WARS2: variants seen among roughly 807,000 people sequenced by gnomAD.
WARS2 encodes tryptophan--tRNA ligase, mitochondrial.
In WARS2, 28 loss-of-function variants were observed where a neutral mutation model predicts 36.5. The observed-to-expected ratio is 0.77, with a 90% CI of 0.57 to 1.05. The LOEUF (loss-of-function observed/expected upper bound fraction) is 1.05. Among genes scored for constraint, WARS2 ranks in the 50% least tolerant of loss-of-function variants. WARS2 has a pLI of 0.00. For synonymous variants in WARS2, 174 were observed against 178.4 expected (o/e 0.98, Z 0.20); for missense variants, 435 against 456.8 (o/e 0.95, Z 0.44).
chr1:119,121,800 C>T (rs970467381), intron 1 of WARS2, among the ~76,000 whole-genome samples: 1 of 152,186 alleles, frequency 6.6e-6, no homozygotes, highest in Non-Finnish European at 1.5e-5. Flanking sequence ...GGAAAGGACA[C>T]CCTATTCAAC....
Position 119,032,656 on chromosome 1 carries a change from A to G in WARS2, c.*255T>C. The stretch of plus-strand genomic sequence containing the variant: ...TTCTGCAGGCCAAGGAGTGTGCCTC[A>G]ATAATTGGGGATTCAGACAGCTATG... On this transcript the variant is annotated 3_prime_UTR_variant, in exon 6 of 6. Coordinates refer to ENST00000235521, the MANE Select transcript of WARS2 (RefSeq NM_015836.4). 2.0e-6 allele frequency: 1 copy of G among 489,946 alleles called. No homozygotes were observed. Among genetic ancestry groups the G allele is most frequent in the South Asian group, 2.7e-5 (1 of 36,496 alleles). The allele number at this position is 489,946 out of a possible 1,614,324, so 30.3% of individuals were successfully genotyped here.
At chr1:119,044,737 G>C (rs1300209376) in intron 3 of WARS2, among the ~76,000 whole-genome samples, 1 of 152,098 alleles carries the variant, frequency 6.6e-6, no homozygotes, top group African/African-American at 2.4e-5. Context: ...TCTTTAACAA[G>C]AGCACTAATC....
intron 2 of WARS2, among the ~76,000 whole-genome samples, chr1:119,047,037 C>T (rs1349187186): frequency 1.3e-5 from 2 of 152,056 alleles, no homozygotes; most frequent in Non-Finnish European, 2.9e-5. Flanking sequence ...TTTGCAAGTC[C>T]CTGGGCTGAA....
chr1:119,078,947 GACACAC>G (rs35343555), intron 1 of WARS2, among the ~76,000 whole-genome samples: 1 of 150,364 alleles, frequency 6.7e-6, no homozygotes, highest in African/African-American at 2.4e-5. Context: ...CATATAGCTA[GACACAC>G]ACACACACAC....
intron 1 of WARS2, among the ~76,000 whole-genome samples, chr1:119,103,396 G>T (rs948135161): frequency 6.6e-6 from 1 of 152,090 alleles, no homozygotes; most frequent in Admixed American, 6.5e-5. Context: ...TTGGATTTGG[G>T]TCAAGAGCTT....
In WARS2 at chr1:119,042,296, T is replaced by C. The variant is rs149281638; in HGVS notation, c.483A>G (p.Pro161=). The C allele has an allele frequency of 4.2e-4, 673 of 1,613,922 alleles. 2 individuals carry two copies. In the African/African-American group the frequency reaches 8.1e-3, roughly 19 times the overall value. The change falls in exon 4 of 6, where the codon CCA becomes CCG. Residue 161 remains proline (P), a synonymous_variant. Transcript: ENST00000235521. ...ACAGAATGTCGGCTGCCTGGAGTAC[T>C]GGGTATGTGAGCAGGCCCACCGTGC... ...HDGTVGLLTY[P]VLQAADILLY...
intron 2 of WARS2, among the ~76,000 whole-genome samples, chr1:119,054,375 CAT>C (rs140724400): frequency 2.7e-5 from 4 of 150,170 alleles, no homozygotes; most frequent in East Asian, 3.9e-4. Context: ...GGATGGCTGC[CAT>C]ATATATATAT....
Position 119,032,670 on chromosome 1 carries a change from C to T in WARS2, c.*241G>A. The T allele has an allele frequency of 3.9e-6, 2 of 509,016 alleles. No individual in the cohort carries two copies. The highest frequency in any genetic ancestry group is 6.8e-5 in the East Asian group (2 of 29,542). The allele number at this position is 509,016 out of a possible 1,614,324, so 31.5% of individuals were successfully genotyped here. On this transcript the variant is annotated 3_prime_UTR_variant, in exon 6 of 6. Transcript: ENST00000235521. ...GAGTGTGCCTCAATAATTGGGGATT[C>T]AGACAGCTATGCCTTCTTGATTTAT...
intron 1 of WARS2, among the ~76,000 whole-genome samples, chr1:119,094,237 T>C (rs1055695726): frequency 6.6e-6 from 1 of 152,136 alleles, no homozygotes; most frequent in Non-Finnish European, 1.5e-5. Context: ...CTCAGAAAAA[T>C]GTAAATTTAA....
At chr1:119,095,930 G>C (rs6701378) in intron 1 of WARS2, among the ~76,000 whole-genome samples, 1 of 151,856 alleles carries the variant, frequency 6.6e-6, no homozygotes, top group South Asian at 2.1e-4. Context: ...TGACACAATC[G>C]AGTACTTAGT....
intron 2 of WARS2, among the ~76,000 whole-genome samples, chr1:119,049,816 C>T (rs1158742415): frequency 6.6e-6 from 1 of 152,150 alleles, no homozygotes; most frequent in Non-Finnish European, 1.5e-5. Flanking sequence ...TTCAAAGTCT[C>T]ACCACTTTTC....
At chr1:119,132,406 A>G (rs2101573009) in intron 1 of WARS2, among the ~76,000 whole-genome samples, 1 of 152,306 alleles carries the variant, frequency 6.6e-6, no homozygotes, top group East Asian at 1.9e-4. Flanking sequence ...AGGACTGGCA[A>G]GAGTTCCACA....
In WARS2 at chr1:119,060,482, G is replaced by T. The variant is rs917407909; in HGVS notation, c.349-14820C>A. ...CATTTAACCTTAATTACTTCCTAAAGACCCTATCTCTATATACAGTCATAC... is the reference window on the plus strand; with the variant it reads ...CATTTAACCTTAATTACTTCCTAAATACCCTATCTCTATATACAGTCATAC... On this transcript the variant is annotated intron_variant, in intron 2 of 5. Transcript: ENST00000235521. Among the ~76,000 whole-genome samples, 8 of 152,316 alleles carry T rather than the reference G, an allele frequency of 5.3e-5. No homozygotes were observed. The East Asian group carries it at 1.5e-3, about 29-fold the overall frequency.
chr1:119,060,985 T>C (rs1158752101), intron 2 of WARS2, among the ~76,000 whole-genome samples: 7 of 152,090 alleles, frequency 4.6e-5, no homozygotes, highest in Non-Finnish European at 1.5e-5. Flanking sequence ...TGTCCAACAA[T>C]GGCTAAAACA....
At chr1:119,111,062 C>T (rs970563577) in intron 1 of WARS2, among the ~76,000 whole-genome samples, 14 of 152,168 alleles carry the variant, frequency 9.2e-5, no homozygotes, top group African/African-American at 3.4e-4. Flanking sequence ...CCATTAAAGC[C>T]CTTAACATAT....
intron 1 of WARS2, among the ~76,000 whole-genome samples, chr1:119,078,818 A>C (rs995626382): frequency 3.3e-5 from 5 of 152,104 alleles, no homozygotes; most frequent in African/African-American, 9.7e-5. Context: ...TAATTTTATG[A>C]ATCAGATATA....
intron 2 of WARS2, among the ~76,000 whole-genome samples, chr1:119,058,128 T>A (rs541773716): frequency 5.3e-5 from 8 of 152,266 alleles, no homozygotes; most frequent in African/African-American, 1.9e-4. Flanking sequence ...AAGTTGATCT[T>A]TTTTGTGAAT....
rs1557929949 is a variant in WARS2, at chr1:119,034,079, TAA to T, written c.634+14_634+15del. On this transcript the variant is annotated intron_variant, in intron 5 of 5. Coordinates refer to ENST00000235521, the MANE Select transcript of WARS2 (RefSeq NM_015836.4). ...AGAATATACCCTGATGTAACAATTA[TAA>T]GTTTCTTACTTACTGAGAATGGACT... is the stretch of plus-strand genomic sequence containing the variant. 5.6e-6 allele frequency: 9 copies of T among 1,600,916 alleles called. No individual in the cohort carries two copies. Among genetic ancestry groups the T allele is most frequent in the Non-Finnish European group, 6.8e-6 (8 of 1,168,384 alleles).
At chr1:119,114,970 A>C (rs751377743) in intron 1 of WARS2, among the ~76,000 whole-genome samples, 19 of 152,130 alleles carry the variant, frequency 1.2e-4, no homozygotes, top group Non-Finnish European at 2.4e-4. Context: ...CCACATTTTA[A>C]AATAACAGAA....
Sources: allele counts gnomAD v4.1 joint callset (sites outside exome capture counted in the v4.1 genomes callset), GRCh38; gene constraint gnomAD v4.1.1; transcripts MANE v1.5; gene names NCBI Gene and HGNC (gene_info 2026-07-23, HGNC 2026-07-21).